Variants in SORCS3 observed in about 807,000 individuals in gnomAD.
SORCS3 encodes the protein VPS10 domain-containing receptor SorCS3.
SORCS3 carries 57 observed loss-of-function variants against 146.3 expected under a neutral mutation model. The ratio of observed to expected loss-of-function variants is 0.39; its 90% CI spans 0.31 to 0.49. The LOEUF is 0.49. SORCS3 is among the 20% of genes least tolerant of loss of function. The pLI is 0.92. For synonymous variants in SORCS3, 653 were observed against 618.5 expected (o/e 1.06, Z -0.83); for missense variants, 1,341 against 1,575.5 (o/e 0.85, Z 2.52).
intron 1 of SORCS3, among the ~76,000 whole-genome samples, chr10:104,721,419 C>T (rs184826852): frequency 1.2e-4 from 18 of 152,218 alleles, no homozygotes; most frequent in Non-Finnish European, 2.4e-4. Flanking sequence ...CTGATGCGAC[C>T]GGCTTTGTTC....
chr10:105,144,498 C>T (rs2056117329), intron 8 of SORCS3, among the ~76,000 whole-genome samples: 1 of 152,092 alleles, frequency 6.6e-6, no homozygotes. Context: ...GTATTTTCAC[C>T]ATTGTTCACC....
At chr10:104,999,648 C>G (rs985381996) in intron 4 of SORCS3, among the ~76,000 whole-genome samples, 2 of 152,108 alleles carry the variant, frequency 1.3e-5, no homozygotes, top group African/African-American at 4.8e-5. Flanking sequence ...TTCTGAAAAC[C>G]CTGATCTACA....
At chr10:104,755,705 A>C (rs1393290500) in intron 1 of SORCS3, among the ~76,000 whole-genome samples, 1 of 152,222 alleles carries the variant, frequency 6.6e-6, no homozygotes, top group Non-Finnish European at 1.5e-5. Flanking sequence ...GGGCATTGAC[A>C]TTCAGGCCAG....
chr10:104,717,995 A>T (rs1020314918), intron 1 of SORCS3, among the ~76,000 whole-genome samples: 1 of 151,158 alleles, frequency 6.6e-6, no homozygotes, highest in African/African-American at 2.4e-5. Context: ...ACAAAAATAA[A>T]ATTAGCCAGG....
rs577593006 is a variant in SORCS3, at chr10:105,114,147, C to G, written c.1212+8632C>G. Among the ~76,000 whole-genome samples, 3 of 152,230 alleles carry G rather than the reference C, an allele frequency of 2.0e-5. No homozygotes were observed. In the East Asian group the frequency reaches 5.8e-4, roughly 30 times the overall value. ...AGAACAGTCCCTTAGTAACCTGTCA[C>G]CAGCAATGTGTATATTATGTCTGCA... On this transcript the variant is annotated intron_variant, in intron 7 of 26. Coordinates refer to ENST00000369701, the MANE Select transcript of SORCS3 (RefSeq NM_014978.3).
chr10:105,142,722 C>T (rs1265337494), intron 8 of SORCS3, among the ~76,000 whole-genome samples: 1 of 152,140 alleles, frequency 6.6e-6, no homozygotes, highest in East Asian at 1.9e-4. Context: ...TACTTTTTCC[C>T]ATAAAAGTCA....
chr10:105,210,917 C>G (rs915611617), intron 16 of SORCS3, among the ~76,000 whole-genome samples: 5 of 152,096 alleles, frequency 3.3e-5, no homozygotes, highest in Admixed American at 2.6e-4. Context: ...TGCTAAGTTG[C>G]TATTTTGTTC....
At chr10:104,642,052 G>A in intron 1 of SORCS3, 98 bp downstream of exon 1, 1 of 1,367,818 alleles carries the variant, frequency 7.3e-7, no homozygotes, top group Non-Finnish European at 9.7e-7. Flanking sequence ...CTCGGGGGTC[G>A]AGGCGGGGGA....
intron 1 of SORCS3, among the ~76,000 whole-genome samples, chr10:104,780,032 G>A (rs1352239668): frequency 3.3e-5 from 5 of 152,118 alleles, no homozygotes; most frequent in Non-Finnish European, 7.4e-5. Context: ...GGGAAGGGAG[G>A]TGGAAGGTGG....
chr10:105,255,862 G>A, intron 24 of SORCS3, 61 bp downstream of exon 24: 2 of 1,358,468 alleles, frequency 1.5e-6, no homozygotes, highest in Non-Finnish European at 2.1e-6. Flanking sequence ...GAGAGAAAAG[G>A]AGGAGAGAAT....
At chr10:104,660,284 G>A (rs1401135908) in intron 1 of SORCS3, among the ~76,000 whole-genome samples, 1 of 80,668 alleles carries the variant, frequency 1.2e-5, no homozygotes, top group Non-Finnish European at 2.5e-5. Context: ...TTTTAACTGA[G>A]AGTTTATTAT....
intron 1 of SORCS3, among the ~76,000 whole-genome samples, chr10:104,662,092 A>G (rs1326386833): frequency 6.6e-6 from 1 of 152,190 alleles, no homozygotes; most frequent in Admixed American, 6.5e-5. Flanking sequence ...CACATGGCTA[A>G]TAAGCTTCAG....
At chr10:104,808,113 G>C (rs1022387383) in intron 1 of SORCS3, among the ~76,000 whole-genome samples, 1 of 152,164 alleles carries the variant, frequency 6.6e-6, no homozygotes, top group Admixed American at 6.5e-5. Flanking sequence ...AATCTGGGTG[G>C]GGGGAGTGAG....
chr10:105,188,970 C>T (rs1003541008), intron 14 of SORCS3, among the ~76,000 whole-genome samples: 1 of 152,162 alleles, frequency 6.6e-6, no homozygotes, highest in African/African-American at 2.4e-5. Context: ...GCACGTTTAA[C>T]TATTTGCTTA....
chr10:105,030,685 T>C (rs1462117742), intron 4 of SORCS3, among the ~76,000 whole-genome samples: 1 of 151,720 alleles, frequency 6.6e-6, no homozygotes, highest in Non-Finnish European at 1.5e-5. Flanking sequence ...CTCCACCTCC[T>C]GGGTTCAAGC....
intron 1 of SORCS3, among the ~76,000 whole-genome samples, chr10:104,679,474 G>C (rs954934441): frequency 3.7e-4 from 57 of 152,330 alleles, no homozygotes; most frequent in African/African-American, 1.3e-3. Context: ...CACAGAGGTA[G>C]AGTAACCAGT....
At chr10:105,151,298 G>A (rs1268314865) in intron 9 of SORCS3, among the ~76,000 whole-genome samples, 1 of 152,170 alleles carries the variant, frequency 6.6e-6, no homozygotes, top group African/African-American at 2.4e-5. Flanking sequence ...GAGCAGTGGG[G>A]ATGAAGATTG....
At chr10:105,018,262 C>G (rs2055179605) in intron 4 of SORCS3, among the ~76,000 whole-genome samples, 1 of 152,182 alleles carries the variant, frequency 6.6e-6, no homozygotes, top group Non-Finnish European at 1.5e-5. Context: ...TGCTTCTGTC[C>G]TAGTCTCTCA....
rs555021511 is a variant in SORCS3 at position 104,793,150 on chromosome 10, G to C, written c.628-49642G>C. Among the ~76,000 whole-genome samples the C allele has an allele frequency of 4.3e-3, 654 of 152,196 alleles. 3 individuals carry two copies. The highest frequency in any genetic ancestry group is 0.01 in the Middle Eastern group (3 of 294). On this transcript the variant is annotated intron_variant, in intron 1 of 26. Transcript: ENST00000369701. ...GATAACACAACCCGATCTCAGAGGT[G>C]ATTATTTTTTTTTCACTTAGAGTAG...
Sources: allele counts gnomAD v4.1 joint callset (sites outside exome capture counted in the v4.1 genomes callset), GRCh38; gene constraint gnomAD v4.1.1; transcripts MANE v1.5; gene names NCBI Gene and HGNC (gene_info 2026-07-23, HGNC 2026-07-21).